Variants in SHANK2 observed in about 807,000 individuals in gnomAD.
The protein encoded by SHANK2 is SH3 and multiple ankyrin repeat domains 2, also known as SH3 and multiple ankyrin repeat domains protein 2.
Under a neutral mutation model 133.7 loss-of-function variants are expected in SHANK2, and 43 were observed. That is an observed-to-expected ratio of 0.32 (90% CI 0.25 to 0.41). The LOEUF (loss-of-function observed/expected upper bound fraction) is 0.41. Among genes scored for constraint, SHANK2 ranks in the 10% least tolerant of loss-of-function variants. The pLI is 1.00. For synonymous variants in SHANK2, 1,017 were observed against 952.8 expected (o/e 1.07, Z -1.24); for missense variants, 1,994 against 2,235.8 (o/e 0.89, Z 2.18).
In SHANK2 at chr11:70,599,467, C is replaced by T. The variant is rs539427309; in HGVS notation, c.2061+60361G>A. Among the ~76,000 whole-genome samples the T allele has an allele frequency of 2.7e-4, 36 of 131,258 alleles. 3 individuals carry two copies. The highest frequency in any genetic ancestry group is 9.7e-4 in the African/African-American group (36 of 37,214). The allele number at this position is 131,258 out of a possible 152,430, so 86.1% of individuals were successfully genotyped here. Reference sequence around the variant, plus strand: ...CTAAAAATACAGAAAATTAGCCGGGCGAGGTGGCGGGCGCCTGTAGTCCCA... The same window carrying T: ...CTAAAAATACAGAAAATTAGCCGGGTGAGGTGGCGGGCGCCTGTAGTCCCA... On this transcript the variant is annotated intron_variant, in intron 17 of 25. Coordinates refer to ENST00000601538, the MANE Select transcript of SHANK2 (RefSeq NM_012309.5).
chr11:71,141,975 A>G (rs1296152297), intron 3 of SHANK2, among the ~76,000 whole-genome samples: 2 of 152,176 alleles, frequency 1.3e-5, no homozygotes, highest in African/African-American at 2.4e-5. Flanking sequence ...TCTGAGCTGC[A>G]TGAAAACTCA....
At chr11:70,636,026 C>T (rs1555003876) in intron 17 of SHANK2, among the ~76,000 whole-genome samples, 1 of 152,252 alleles carries the variant, frequency 6.6e-6, no homozygotes. Context: ...TTGCACTCAC[C>T]ACCCCGGTGC....
intron 17 of SHANK2, among the ~76,000 whole-genome samples, chr11:70,588,146 T>C (rs782433064): frequency 6.6e-5 from 10 of 152,184 alleles, no homozygotes; most frequent in Non-Finnish European, 1.3e-4. Flanking sequence ...CCCATCTCCT[T>C]GGGCCTCCCT....
At chr11:71,236,230 T>C (rs1555123716) in intron 1 of SHANK2, among the ~76,000 whole-genome samples, 1 of 152,188 alleles carries the variant, frequency 6.6e-6, no homozygotes. Context: ...ACACACACCA[T>C]GCAAAATTAT....
chr11:70,543,698 T>C (rs79392296), intron 17 of SHANK2, among the ~76,000 whole-genome samples: 2,576 of 152,320 alleles, frequency 0.017, 46 homozygotes, highest in Middle Eastern at 0.085. Context: ...CTCTAGCAAA[T>C]TAATTGAACC....
At chr11:70,717,660 C>T (rs1945971182) in intron 14 of SHANK2, among the ~76,000 whole-genome samples, 1 of 152,140 alleles carries the variant, frequency 6.6e-6, no homozygotes, top group Admixed American at 6.5e-5. Flanking sequence ...CCACAGCGTA[C>T]CTCCAAAATG....
chr11:70,628,855 C>A (rs992277365), intron 17 of SHANK2, among the ~76,000 whole-genome samples: 3 of 152,208 alleles, frequency 2.0e-5, no homozygotes, highest in Admixed American at 2.0e-4. Flanking sequence ...GATCACAGTA[C>A]TGCTGTGGGC....
intron 11 of SHANK2, among the ~76,000 whole-genome samples, chr11:70,867,805 C>G (rs899915494): frequency 6.6e-6 from 1 of 152,224 alleles, no homozygotes; most frequent in East Asian, 1.9e-4. Flanking sequence ...AGCATTTCAG[C>G]GTTCAGCACA....
intron 17 of SHANK2, among the ~76,000 whole-genome samples, chr11:70,619,061 T>C (rs1175298935): frequency 6.6e-6 from 1 of 152,172 alleles, no homozygotes. Flanking sequence ...GACCCCCGCT[T>C]TCTGCCCATG....
chr11:71,168,084 C>T lies in SHANK2; in HGVS notation c.-12-20746G>A, dbSNP rs1490078539. On this transcript the variant is annotated intron_variant, in intron 2 of 25. Coordinates refer to ENST00000601538, the MANE Select transcript of SHANK2 (RefSeq NM_012309.5). Reference sequence around the variant, plus strand: ...CTTCTCAGACGGGGCGGTTGCCGGGCGGAGGGGCTCCTCACTTCTCAGACG... The same window carrying T: ...CTTCTCAGACGGGGCGGTTGCCGGGTGGAGGGGCTCCTCACTTCTCAGACG... Among the ~76,000 whole-genome samples, 2 of 141,372 alleles carry T rather than the reference C, an allele frequency of 1.4e-5. 1 individual carries two copies. Among genetic ancestry groups the T allele is most frequent in the Non-Finnish European group, 3.1e-5 (2 of 64,328 alleles). 92.7% of individuals were successfully genotyped at this position (141,372 alleles called of 152,430 possible). A position where few individuals can be genotyped will look rare whatever the true frequency, so the allele number is the denominator to read the frequency against.
At chr11:70,489,425 AG>A (rs1369820955) in intron 23 of SHANK2, 77 bp from the exon 24 acceptor site, 8 of 1,456,862 alleles carry the variant, frequency 5.5e-6, no homozygotes, top group Non-Finnish European at 6.8e-6. Flanking sequence ...TTGCTGGTGC[AG>A]GGGGAGCTTT....
At chr11:70,581,043 C>A (rs1565149255) in intron 17 of SHANK2, among the ~76,000 whole-genome samples, 1 of 152,190 alleles carries the variant, frequency 6.6e-6, no homozygotes, top group Non-Finnish European at 1.5e-5. Flanking sequence ...TTCTGAGGAG[C>A]CACCAGGGAG....
chr11:71,074,285 C>T (rs1951190239), intron 9 of SHANK2, among the ~76,000 whole-genome samples: 1 of 152,156 alleles, frequency 6.6e-6, no homozygotes, highest in Non-Finnish European at 1.5e-5. Context: ...GACTTAGAGA[C>T]CCGGAGAACA....
In SHANK2 at chr11:70,471,064, CA is replaced by C. The variant is rs1428198529; in HGVS notation, c.*1804del. The C allele has an allele frequency of 1.6e-5, 6 of 384,892 alleles. No individual in the cohort carries two copies. The highest frequency in any genetic ancestry group is 2.3e-5 in the Non-Finnish European group (5 of 218,290). The allele number at this position is 384,892 out of a possible 1,614,324, so 23.8% of individuals were successfully genotyped here. A position where few individuals can be genotyped will look rare whatever the true frequency, so the allele number is the denominator to read the frequency against. On this transcript the variant is annotated 3_prime_UTR_variant, in exon 26 of 26. Transcript: ENST00000601538. The surrounding 1 kb of genome is among the most constrained non-coding windows in gnomAD (Gnocchi z 4.1). The stretch of plus-strand genomic sequence containing the variant: ...CCACAGAAATAGTATTATTAAATCA[CA>C]AAAGTTTTTTTTTCTTTAACTTTCT...
At chr11:70,889,712 G>T (rs781956681) in intron 11 of SHANK2, among the ~76,000 whole-genome samples, 1 of 152,214 alleles carries the variant, frequency 6.6e-6, no homozygotes, top group Non-Finnish European at 1.5e-5. Flanking sequence ...CATACAGGCC[G>T]CTGGGCAGCG....
At chr11:70,597,771 G>C (rs1359201346) in intron 17 of SHANK2, among the ~76,000 whole-genome samples, 1 of 152,194 alleles carries the variant, frequency 6.6e-6, no homozygotes, top group Non-Finnish European at 1.5e-5. Flanking sequence ...TACTTGGGAG[G>C]CTGAGGCAGG....
At chr11:71,124,560 T>C (rs1952146774) in intron 3 of SHANK2, among the ~76,000 whole-genome samples, 1 of 152,122 alleles carries the variant, frequency 6.6e-6, no homozygotes, top group Non-Finnish European at 1.5e-5. Flanking sequence ...TATATAATAA[T>C]ATTATTCTCA....
At chr11:71,225,203 T>C (rs1555122012) in intron 1 of SHANK2, among the ~76,000 whole-genome samples, 1 of 152,174 alleles carries the variant, frequency 6.6e-6, no homozygotes, top group Non-Finnish European at 1.5e-5. Context: ...AACAGGGCAA[T>C]ATATTTAGAC....
intron 6 of SHANK2, among the ~76,000 whole-genome samples, chr11:71,106,466 G>GCT (rs1290744210): frequency 6.6e-6 from 1 of 152,108 alleles, no homozygotes; most frequent in Non-Finnish European, 1.5e-5. Context: ...TAGCCCAGAG[G>GCT]CTTGTCATCA....
Sources: gnomAD v4.1 joint callset for allele counts (sites outside exome capture counted in the v4.1 genomes callset) on GRCh38, gnomAD v4.1.1 for gene constraint, Gnocchi (gnomAD v3.1) non-coding constraint, MANE v1.5 for transcripts, NCBI Gene and HGNC (gene_info 2026-07-23, HGNC 2026-07-21) for gene names.